AK1: variants seen among roughly 807,000 people sequenced by gnomAD.
AK1 encodes the protein adenylate kinase 1.
In AK1, 13 loss-of-function variants were observed where a neutral mutation model predicts 23.9. The ratio of observed to expected loss-of-function variants is 0.54; its 90% CI spans 0.35 to 0.86. AK1 has a LOEUF of 0.86. Among genes scored for constraint, AK1 ranks in the 40% least tolerant of loss-of-function variants. The pLI is 0.01. For missense variants in AK1, 214 were observed against 255.1 expected (o/e 0.84, Z 1.10); for synonymous variants, 97 against 102.8 (o/e 0.94, Z 0.34).
Position 127,868,497 on chromosome 9 carries a change from G to T in AK1, c.340C>A (p.Leu114Met), listed in dbSNP as rs781699153. The T allele has an allele frequency of 1.3e-6, 2 of 1,589,116 alleles. No homozygotes were observed. Among genetic ancestry groups the T allele is most frequent in the East Asian group, 2.3e-5 (1 of 43,954 alleles). ...GGGCCTGCGTCCACATACAGCAGCA[G>T]TGTGGGCTGTCCAATCTGCAGGCGG... ...EFERRIGQPTLLLYVDAGPET... is the reference protein window; with the variant it reads ...EFERRIGQPTMLLYVDAGPET... Residue 114 changes from leucine (L) to methionine (M), a missense_variant, in exon 6 of 7, where the codon CTG becomes ATG. By Grantham distance (15) the Leu-to-Met change is conservative (BLOSUM62 2). Coordinates refer to ENST00000644144, the MANE Select transcript of AK1 (RefSeq NM_000476.3). The surrounding 1 kb of genome is among the most constrained non-coding windows in gnomAD (Gnocchi z 4.1).
chr9:127,870,550 A>G (rs754325206), intron 5 of AK1, among the ~76,000 whole-genome samples: 7 of 152,086 alleles, frequency 4.6e-5, no homozygotes, highest in Non-Finnish European at 1.0e-4. Context: ...CACAGGTGGT[A>G]CCACACAGCT....
intron 2 of AK1, chr9:127,874,372 G>C: frequency 1.0e-6 from 1 of 985,400 alleles, no homozygotes; most frequent in African/African-American, 1.7e-5. Flanking sequence ...CAGCATAGGG[G>C]GTGTGCGCTG....
In AK1 at chr9:127,867,117, T is replaced by G. The variant is rs904382929; in HGVS notation, c.*891A>C. 6.6e-6 allele frequency: 1 copy of G among 150,528 alleles called. No individual in the cohort carries two copies. The highest frequency in any genetic ancestry group is 1.5e-5 in the Non-Finnish European group (1 of 67,852). The allele number at this position is 150,528 out of a possible 1,614,324, so 9.3% of individuals were successfully genotyped here. A position where few individuals can be genotyped will look rare whatever the true frequency, so the allele number is the denominator to read the frequency against. ...GCTCCACCTCCCGGGTTCACGCCATTCTCCTGCCTCAGCCTCATGAGTAGC... is the reference window on the plus strand; with the variant it reads ...GCTCCACCTCCCGGGTTCACGCCATGCTCCTGCCTCAGCCTCATGAGTAGC... On this transcript the variant is annotated 3_prime_UTR_variant, in exon 7 of 7. Coordinates refer to ENST00000644144, the MANE Select transcript of AK1 (RefSeq NM_000476.3).
chr9:127,874,501 C>T, intron 2 of AK1, 110 bp downstream of exon 2: 1 of 1,607,244 alleles, frequency 6.2e-7, no homozygotes, highest in South Asian at 1.1e-5. Flanking sequence ...CCTCCGGCAG[C>T]CCCAGAGCCT....
At chr9:127,878,331 CAG>C (rs1829584346), upstream of AK1, 1 of 152,254 alleles carries the variant, frequency 6.6e-6, no homozygotes, top group Non-Finnish European at 1.5e-5. Flanking sequence ...TGTGGATAGC[CAG>C]AGAGGGGATT....
rs978945513 is a variant in AK1, at chr9:127,871,736, A to G, written c.324+87T>C. ...GCCTCTGCTCAGAACTCTGACCTGC[A>G]TCACAGCCCCCGCAGGCCCGCCCAT... On this transcript the variant is annotated intron_variant, in intron 5 of 6. Transcript: ENST00000644144. This position sits in a 1 kb window ranked among gnomAD's most constrained non-coding sequence, Gnocchi z 4.4. The G allele has an allele frequency of 4.6e-6, 5 of 1,083,598 alleles. No individual in the cohort carries two copies. Among genetic ancestry groups the G allele is most frequent in the Non-Finnish European group, 7.0e-6 (5 of 709,390 alleles). 67.1% of individuals were successfully genotyped at this position (1,083,598 alleles called of 1,614,324 possible). A position where few individuals can be genotyped will look rare whatever the true frequency, so the allele number is the denominator to read the frequency against.
chr9:127,872,896 C>G (rs1264474329), intron 3 of AK1, 43 bp from the exon 4 acceptor site: 1 of 1,613,546 alleles, frequency 6.2e-7, no homozygotes, highest in Admixed American at 1.7e-5. Context: ...ACACAGGGTC[C>G]CAGGAGGAAC....
chr9:127,873,398 G>A (rs1829464104), intron 2 of AK1: 1 of 1,583,264 alleles, frequency 6.3e-7, no homozygotes, highest in East Asian at 2.3e-5. Flanking sequence ...GGTCACCTCT[G>A]GCTCTCAGAT....
chr9:127,874,753 G>A, intron 1 of AK1, 104 bp from the exon 2 acceptor site: 1 of 1,147,702 alleles, frequency 8.7e-7, no homozygotes. Context: ...GGCCCGACAT[G>A]CAGTCTGAGG....
rs370638623 is a variant in AK1, at chr9:127,868,014, T to C, written c.579A>G (p.Leu193=). Residue 193 remains leucine (L), a synonymous_variant, in exon 7 of 7, where the codon CTA becomes CTG. Coordinates refer to ENST00000644144, the MANE Select transcript of AK1 (RefSeq NM_000476.3). This position sits in a 1 kb window ranked among gnomAD's most constrained non-coding sequence, Gnocchi z 4.1. ...FSQVCTHLDA[L]K The stretch of plus-strand genomic sequence containing the variant: ...GGAAGCGGCTCCAGCGTTGCTACTT[T>C]AGGGCGTCCAGGTGGGTGCAGACCT... 10 of 1,614,128 alleles carry C rather than the reference T, an allele frequency of 6.2e-6. No homozygotes were observed. Among genetic ancestry groups the C allele is most frequent in the South Asian group, 1.1e-5 (1 of 91,076 alleles).
chr9:127,876,736 T>C (rs1174181134), intron 1 of AK1, among the ~76,000 whole-genome samples: 2 of 134,710 alleles, frequency 1.5e-5, no homozygotes, highest in African/African-American at 5.5e-5. Context: ...CCAAAATAAC[T>C]TGGGTCGTGA....
rs781579568 is a variant in AK1, at chr9:127,874,631, C to T, written c.-14G>A. 2.4e-5 allele frequency: 39 copies of T among 1,613,656 alleles called. No homozygotes were observed. The South Asian group carries it at 2.5e-4, about 10-fold the overall frequency. On this transcript the variant is annotated 5_prime_UTR_variant, in exon 2 of 7. Coordinates refer to ENST00000644144, the MANE Select transcript of AK1 (RefSeq NM_000476.3). ...CATACCTTCCATCCTGCCGAGGTCCCGGGAGCCGTGTCAGTGCTCTGTAAG... is the reference window on the plus strand; with the variant it reads ...CATACCTTCCATCCTGCCGAGGTCCTGGGAGCCGTGTCAGTGCTCTGTAAG...
Position 127,867,016 on chromosome 9 carries a change from T to C in AK1, c.*992A>G, listed in dbSNP as rs1157423611. The C allele has an allele frequency of 5.1e-4, 75 of 147,522 alleles. No homozygotes were observed. The highest frequency in any genetic ancestry group is 1.8e-3 in the African/African-American group (73 of 39,584). 9.1% of individuals were successfully genotyped at this position (147,522 alleles called of 1,614,324 possible). ...TCCCCCAATTCAATTTCTTTTTTTT[T>C]TTTTTTTTTTTTGAGACGGAGTCTT... On this transcript the variant is annotated 3_prime_UTR_variant, in exon 7 of 7. Transcript: ENST00000644144.
chr9:127,868,345 A>G lies in AK1; in HGVS notation c.492T>C (p.Tyr164=). Reference sequence around the variant, plus strand: ...CCTTGCGCACAATGCCACGTTTCTCATAGAAGGCGATGACAGGTTCTGTGG... The same window carrying G: ...CCTTGCGCACAATGCCACGTTTCTCGTAGAAGGCGATGACAGGTTCTGTGG... ...YKATEPVIAF[Y]EKRGIVRKVN... Residue 164 remains tyrosine, a synonymous_variant, in exon 6 of 7, where the codon TAT becomes TAC. Coordinates refer to ENST00000644144, the MANE Select transcript of AK1 (RefSeq NM_000476.3). The surrounding 1 kb of genome is among the most constrained non-coding windows in gnomAD (Gnocchi z 4.1). The G allele has an allele frequency of 1.2e-6, 2 of 1,603,744 alleles. No homozygotes were observed. Among genetic ancestry groups the G allele is most frequent in the South Asian group, 1.1e-5 (1 of 89,440 alleles).
rs1289023359 is a variant in AK1 at position 127,868,772 on chromosome 9, C to T, written c.325-260G>A. On this transcript the variant is annotated intron_variant, in intron 5 of 6. Coordinates refer to ENST00000644144, the MANE Select transcript of AK1 (RefSeq NM_000476.3). This position sits in a 1 kb window ranked among gnomAD's most constrained non-coding sequence, Gnocchi z 4.1. ...AGAGCCTGACTCTCTCTGCTCTAGG[C>T]TCTCATCAACCTCCTTCCATGCCAG... Among the ~76,000 whole-genome samples the T allele has an allele frequency of 5.9e-5, 9 of 152,202 alleles. No homozygotes were observed. Among genetic ancestry groups the T allele is most frequent in the African/African-American group, 2.2e-4 (9 of 41,442 alleles).
rs35902264 is a variant in AK1, at chr9:127,868,353, C to T, written c.484G>A (p.Ala162Thr). ...ACAATGCCACGTTTCTCATAGAAGGCGATGACAGGTTCTGTGGCCTTGTAA... is the reference window on the plus strand; with the variant it reads ...ACAATGCCACGTTTCTCATAGAAGGTGATGACAGGTTCTGTGGCCTTGTAA... ...TYYKATEPVI[A>T]FYEKRGIVRK... Residue 162 changes from alanine to threonine, a missense_variant, in exon 6 of 7, where the codon GCC (alanine) becomes ACC (threonine). Transcript: ENST00000644144. This position sits in a 1 kb window ranked among gnomAD's most constrained non-coding sequence, Gnocchi z 4.1. 2.7e-3 allele frequency: 4,351 copies of T among 1,606,966 alleles called. 74 individuals are homozygous for T. The highest frequency in any genetic ancestry group is 0.025 in the South Asian group (2,230 of 89,818).
rs995746466 is a variant in AK1, at chr9:127,871,082, G to A, written c.324+741C>T. ...AGGAGTGCAGTATCCACTGCCGTGT[G>A]TGTGCATGTGTGCACATGCCCCTGG... On this transcript the variant is annotated intron_variant, in intron 5 of 6. Transcript: ENST00000644144. This position sits in a 1 kb window ranked among gnomAD's most constrained non-coding sequence, Gnocchi z 4.4. 5.9e-5 allele frequency among the ~76,000 whole-genome samples: 9 copies of A among 151,852 alleles called. No individual in the cohort carries two copies. The highest frequency in any genetic ancestry group is 2.2e-4 in the African/African-American group (9 of 41,084).
chr9:127,872,960 C>T, intron 3 of AK1, 66 bp downstream of exon 3: 1 of 1,613,574 alleles, frequency 6.2e-7, no homozygotes. Context: ...GGTGCAGCCC[C>T]AGGCCCGGGC....
At position 127,868,600 on chromosome 9, in the gene AK1, G is replaced by T; in HGVS notation, c.325-88C>A. On this transcript the variant is annotated intron_variant, in intron 5 of 6. Coordinates refer to ENST00000644144, the MANE Select transcript of AK1 (RefSeq NM_000476.3). The surrounding 1 kb of genome is among the most constrained non-coding windows in gnomAD (Gnocchi z 4.1). ...TCTTCCCATCTATGAAGCCCCAGTA[G>T]ATACCCCCTCAGACCTTCAATCCCT... 1 of 1,449,114 alleles carries T rather than the reference G, an allele frequency of 6.9e-7. No homozygotes were observed. Among genetic ancestry groups the T allele is most frequent in the Non-Finnish European group, 9.4e-7 (1 of 1,063,976 alleles). 89.8% of individuals were successfully genotyped at this position (1,449,114 alleles called of 1,614,324 possible). A position where few individuals can be genotyped will look rare whatever the true frequency, so the allele number is the denominator to read the frequency against.
Sources: gnomAD v4.1 joint callset for allele counts (sites outside exome capture counted in the v4.1 genomes callset) on GRCh38, gnomAD v4.1.1 for gene constraint, Gnocchi (gnomAD v3.1) non-coding constraint, MANE v1.5 for transcripts, NCBI Gene and HGNC (gene_info 2026-07-23, HGNC 2026-07-21) for gene names.